NTMT2: variants seen among roughly 807,000 people sequenced by gnomAD.
NTMT2 encodes N-terminal Xaa-Pro-Lys N-methyltransferase 2.
A neutral mutation model predicts 23.4 loss-of-function variants in NTMT2; 21 were observed. That is an observed-to-expected ratio of 0.90 (90% CI 0.64 to 1.29). NTMT2 has a LOEUF of 1.29. NTMT2 is among the 50% of genes most tolerant of loss of function. NTMT2 has a pLI of 0.00. For missense variants in NTMT2, 336 were observed against 352.0 expected (o/e 0.95, Z 0.36); for synonymous variants, 131 against 127.7 (o/e 1.03, Z -0.17).
chr1:170,159,420 G>GTTTTT (rs1673225599), intron 1 of NTMT2, among the ~76,000 whole-genome samples: 19 of 88,190 alleles, frequency 2.2e-4, no homozygotes, highest in Admixed American at 4.3e-4. Flanking sequence ...TTTATGCTCT[G>GTTTTT]GTTTTTTTTT....
rs367930467 is a variant in NTMT2 at position 170,166,504 on chromosome 1, G to T, written c.333G>T (p.Gly111=). ...SQKFLRKFVG[G]PGRAGTDCAL... ...AATATCAAGGTGCCTTTCTGCAGGG[G>T]CCTGGGAGAGCTGGAACAGACTGCG... is the stretch of plus-strand genomic sequence containing the variant. Residue 111 remains glycine, a splice_region_variant and synonymous_variant, in exon 3 of 4, where the codon GGG becomes GGT. Transcript: ENST00000439373. 189 of 1,552,168 alleles carry T rather than the reference G, an allele frequency of 1.2e-4. No homozygotes were observed. The highest frequency in any genetic ancestry group is 1.6e-4 in the Non-Finnish European group (185 of 1,147,118).
intron 1 of NTMT2, among the ~76,000 whole-genome samples, chr1:170,153,444 C>G (rs1673108311): frequency 6.6e-6 from 1 of 152,142 alleles, no homozygotes; most frequent in African/African-American, 2.4e-5. Flanking sequence ...ATCATTGTGA[C>G]CAAAATGCTG....
chr1:170,154,190 T>C (rs575027585), intron 1 of NTMT2, among the ~76,000 whole-genome samples: 10 of 152,218 alleles, frequency 6.6e-5, no homozygotes, highest in African/African-American at 2.4e-4. Context: ...CTGCCAAGCA[T>C]CTGGATTTCA....
Position 170,167,478 on chromosome 1 carries a change from C to T in NTMT2, c.581-8C>T. 6.5e-7 allele frequency: 1 copy of T among 1,542,268 alleles called. No homozygotes were observed. Among genetic ancestry groups the T allele is most frequent in the Non-Finnish European group, 8.8e-7 (1 of 1,142,228 alleles). Reference sequence around the variant, plus strand: ...CCTGTTCCCCCATCCACTTGGTCTCCCTTGTAGGGCACCTGACTGATAAGG... The same window carrying T: ...CCTGTTCCCCCATCCACTTGGTCTCTCTTGTAGGGCACCTGACTGATAAGG... On this transcript the variant is annotated splice_region_variant and splice_polypyrimidine_tract_variant and intron_variant, in intron 3 of 3. Transcript: ENST00000439373.
intron 3 of NTMT2, among the ~76,000 whole-genome samples, chr1:170,166,978 G>A (rs1007996264): frequency 6.6e-6 from 1 of 152,118 alleles, no homozygotes; most frequent in Admixed American, 6.5e-5. Flanking sequence ...GTTGGTTCTC[G>A]AACCAACTTA....
chr1:170,152,615 G>T (rs1468058757), intron 1 of NTMT2, among the ~76,000 whole-genome samples: 1 of 152,078 alleles, frequency 6.6e-6, no homozygotes, highest in Non-Finnish European at 1.5e-5. Context: ...AAAACCTAGA[G>T]GGTTCCTCTG....
At chr1:170,164,147 C>T (rs993652382) in intron 2 of NTMT2, among the ~76,000 whole-genome samples, 19 of 149,284 alleles carry the variant, frequency 1.3e-4, no homozygotes, top group Non-Finnish European at 2.2e-4. Context: ...AAAAAAAGAC[C>T]GTCTTGTTTT....
At chr1:170,148,393 C>T (rs888407434) in intron 1 of NTMT2, among the ~76,000 whole-genome samples, 9 of 151,888 alleles carry the variant, frequency 5.9e-5, no homozygotes, top group South Asian at 2.1e-4. Context: ...CCTCGTGATC[C>T]GCCCGTCCAG....
chr1:170,158,031 C>A (rs988763081), intron 1 of NTMT2: 17 of 152,200 alleles, frequency 1.1e-4, no homozygotes, highest in African/African-American at 4.1e-4. Flanking sequence ...ATTACGTCAT[C>A]TTTCATCGTG....
intron 1 of NTMT2, among the ~76,000 whole-genome samples, chr1:170,158,553 T>TA (rs548070341): frequency 4.0e-5 from 6 of 151,586 alleles, no homozygotes; most frequent in Admixed American, 2.0e-4. Flanking sequence ...AATGTGGCTT[T>TA]AAAAAAAAAT....
At position 170,167,892 on chromosome 1, in the gene NTMT2, G is replaced by A; in HGVS notation, c.*135G>A. ...CAACATATGTCTGCAAATTATTTGT[G>A]ATATAATATGTACATGTTTTCAGTG... On this transcript the variant is annotated 3_prime_UTR_variant, in exon 4 of 4. Coordinates refer to ENST00000439373, the MANE Select transcript of NTMT2 (RefSeq NM_001136107.2). The A allele has an allele frequency of 1.1e-6, 1 of 882,060 alleles. No individual in the cohort carries two copies. The highest frequency in any genetic ancestry group is 1.7e-6 in the Non-Finnish European group (1 of 593,936). 54.6% of individuals were successfully genotyped at this position (882,060 alleles called of 1,614,324 possible).
At chr1:170,163,625 A>C (rs953145362) in intron 2 of NTMT2, among the ~76,000 whole-genome samples, 3 of 152,210 alleles carry the variant, frequency 2.0e-5, no homozygotes, top group Admixed American at 1.3e-4. Flanking sequence ...ATAGCTAAAA[A>C]ATCTGGGTCT....
chr1:170,157,668 C>T (rs1347685325), intron 1 of NTMT2, among the ~76,000 whole-genome samples: 4 of 152,122 alleles, frequency 2.6e-5, no homozygotes, highest in African/African-American at 9.7e-5. Context: ...AAGAAAAATG[C>T]TCTTAGTTAA....
intron 1 of NTMT2, among the ~76,000 whole-genome samples, chr1:170,156,254 C>G (rs1673163006): frequency 2.0e-5 from 3 of 152,152 alleles, no homozygotes; most frequent in African/African-American, 7.2e-5. Flanking sequence ...TATGACTTAA[C>G]TCCTCCATGC....
chr1:170,159,099 G>T (rs939322788), intron 1 of NTMT2, among the ~76,000 whole-genome samples: 7 of 151,254 alleles, frequency 4.6e-5, no homozygotes, highest in African/African-American at 1.7e-4. Context: ...AATAGATAAG[G>T]TTTCCTTTGT....
intron 1 of NTMT2, among the ~76,000 whole-genome samples, chr1:170,159,689 A>C (rs1292064757): frequency 6.6e-6 from 1 of 152,052 alleles, no homozygotes; most frequent in Non-Finnish European, 1.5e-5. Flanking sequence ...AAATGCATGT[A>C]CTCAGCCTAC....
At chr1:170,151,973 G>C (rs1054938154) in intron 1 of NTMT2, among the ~76,000 whole-genome samples, 8 of 152,218 alleles carry the variant, frequency 5.3e-5, no homozygotes, top group South Asian at 2.1e-4. Flanking sequence ...GGGAGGACAG[G>C]TATTTCATAA....
At chr1:170,153,584 T>A (rs986604727) in intron 1 of NTMT2, among the ~76,000 whole-genome samples, 6 of 152,230 alleles carry the variant, frequency 3.9e-5, no homozygotes, top group Admixed American at 1.3e-4. Context: ...ATCCATGTCC[T>A]AGGGATCTCT....
Position 170,166,162 on chromosome 1 carries a change from C to T in NTMT2, c.331-340C>T, listed in dbSNP as rs569934657. ...TTTCTTTTTTTTTTTTTTTTTGAGA[C>T]GGAGTCTCGCTCTGTGGCCCAGGCG... On this transcript the variant is annotated intron_variant, in intron 2 of 3. Coordinates refer to ENST00000439373, the MANE Select transcript of NTMT2 (RefSeq NM_001136107.2). Among the ~76,000 whole-genome samples, 15 of 88,460 alleles carry T rather than the reference C, an allele frequency of 1.7e-4. 1 individual carries two copies. Among genetic ancestry groups the T allele is most frequent in the Non-Finnish European group, 2.1e-4 (10 of 48,292 alleles). The allele number at this position is 88,460 out of a possible 152,430, so 58.0% of individuals were successfully genotyped here.
Sources: gnomAD v4.1 joint callset for allele counts (sites outside exome capture counted in the v4.1 genomes callset) on GRCh38, gnomAD v4.1.1 for gene constraint, MANE v1.5 for transcripts, NCBI Gene and HGNC (gene_info 2026-07-23, HGNC 2026-07-21) for gene names.